The following DYNC1I1 variants were observed in gnomAD, a reference collection of about 807,000 sequenced individuals.
The protein encoded by DYNC1I1 is dynein cytoplasmic 1 intermediate chain 1.
A neutral mutation model predicts 86.6 loss-of-function variants in DYNC1I1; 43 were observed. The ratio of observed to expected loss-of-function variants is 0.50; its 90% confidence interval spans 0.39 to 0.64. The LOEUF (loss-of-function observed/expected upper bound fraction) is 0.64. DYNC1I1 is among the 30% of genes least tolerant of loss of function. The pLI, the probability that DYNC1I1 is intolerant of heterozygous loss-of-function variation, is 0.00. For synonymous variants in DYNC1I1, 262 were observed against 283.7 expected (o/e 0.92, Z 0.77); for missense variants, 604 against 788.8 (o/e 0.77, Z 2.81).
At chr7:96,002,277 A>G (rs1033916174) in intron 10 of DYNC1I1, among the ~76,000 whole-genome samples, 3 of 152,192 alleles carry the variant, frequency 2.0e-5, no homozygotes, top group Admixed American at 2.0e-4. Context: ...TGTTCTTTAT[A>G]TTAAAATGCC....
intron 16 of DYNC1I1, 124 bp downstream of exon 16, chr7:96,080,612 A>G: frequency 6.6e-7 from 1 of 1,512,382 alleles, no homozygotes; most frequent in South Asian, 1.2e-5. Flanking sequence ...GTAAATTTCC[A>G]TTGACTTCAA....
At chr7:96,095,131 T>A (rs1219104673) in intron 16 of DYNC1I1, among the ~76,000 whole-genome samples, 1 of 152,212 alleles carries the variant, frequency 6.6e-6, no homozygotes, top group Non-Finnish European at 1.5e-5. Context: ...GCTTATGTTT[T>A]GTGTGTTTAA....
chr7:96,006,831 A>G (rs1036274771), intron 10 of DYNC1I1, among the ~76,000 whole-genome samples: 8 of 152,212 alleles, frequency 5.3e-5, no homozygotes, highest in Non-Finnish European at 1.2e-4. Flanking sequence ...CACCAATGCT[A>G]TGTTATAACT....
At chr7:95,933,075 G>T (rs113215413) in intron 6 of DYNC1I1, among the ~76,000 whole-genome samples, 7,815 of 151,862 alleles carry the variant, frequency 0.051, 293 homozygotes, top group Middle Eastern at 0.14. Flanking sequence ...AGAGATGGGG[G>T]TCTCACCATG....
intron 6 of DYNC1I1, among the ~76,000 whole-genome samples, chr7:95,946,483 T>A (rs1792405045): frequency 6.6e-6 from 1 of 152,122 alleles, no homozygotes; most frequent in South Asian, 2.1e-4. Flanking sequence ...TGCCACCTCC[T>A]CCACAAAAAT....
intron 16 of DYNC1I1, among the ~76,000 whole-genome samples, chr7:96,082,812 T>C (rs143182762): frequency 3.9e-5 from 6 of 152,342 alleles, no homozygotes; most frequent in African/African-American, 1.4e-4. Context: ...GGCTGATATG[T>C]GGCTGCTAAA....
intron 6 of DYNC1I1, among the ~76,000 whole-genome samples, chr7:95,890,065 A>G (rs1404818662): frequency 6.6e-6 from 1 of 152,190 alleles, no homozygotes; most frequent in East Asian, 1.9e-4. Flanking sequence ...AAACAGAACT[A>G]CCATTCAATC....
chr7:96,040,625 A>G (rs1205584768), intron 14 of DYNC1I1, among the ~76,000 whole-genome samples: 2 of 152,146 alleles, frequency 1.3e-5, no homozygotes, highest in Non-Finnish European at 2.9e-5. Flanking sequence ...CAAGATCTCC[A>G]TTAAGCAGTT....
intron 6 of DYNC1I1, among the ~76,000 whole-genome samples, chr7:95,872,086 C>T (rs935607850): frequency 1.3e-5 from 2 of 152,230 alleles, no homozygotes; most frequent in African/African-American, 2.4e-5. Flanking sequence ...GGTGCTGGTG[C>T]TCACTTTCAC....
At chr7:95,951,634 T>G (rs1792557122) in intron 6 of DYNC1I1, among the ~76,000 whole-genome samples, 1 of 152,238 alleles carries the variant, frequency 6.6e-6, no homozygotes, top group Non-Finnish European at 1.5e-5. Context: ...CTTTAGCTGC[T>G]TTTCAAATGC....
At chr7:95,914,551 G>T (rs1434862933) in intron 6 of DYNC1I1, among the ~76,000 whole-genome samples, 1 of 152,220 alleles carries the variant, frequency 6.6e-6, no homozygotes, top group East Asian at 1.9e-4. Flanking sequence ...TAAATGTGAT[G>T]ATCATCCTGC....
chr7:96,016,552 T>C (rs1794406883), intron 10 of DYNC1I1, among the ~76,000 whole-genome samples: 1 of 152,152 alleles, frequency 6.6e-6, no homozygotes, highest in African/African-American at 2.4e-5. Context: ...TATCATGCAA[T>C]TGTTTTTAGA....
chr7:95,800,165 A>G (rs1415855099), intron 1 of DYNC1I1, among the ~76,000 whole-genome samples: 1 of 151,386 alleles, frequency 6.6e-6, no homozygotes, highest in African/African-American at 2.4e-5. Flanking sequence ...TAAGCAGAGG[A>G]TAAAGGGTAA....
intron 10 of DYNC1I1, among the ~76,000 whole-genome samples, chr7:96,001,861 G>A (rs1211030933): frequency 6.6e-6 from 1 of 151,984 alleles, no homozygotes; most frequent in African/African-American, 2.4e-5. Context: ...GTCGTGGTGG[G>A]GGAAGTACAA....
intron 6 of DYNC1I1, among the ~76,000 whole-genome samples, chr7:95,911,382 C>A (rs1046738462): frequency 6.6e-6 from 1 of 152,080 alleles, no homozygotes; most frequent in Non-Finnish European, 1.5e-5. Context: ...GGTGGAGAGA[C>A]CCCACAGAGG....
At chr7:95,977,279 C>T (rs1793330110) in intron 6 of DYNC1I1, among the ~76,000 whole-genome samples, 1 of 152,118 alleles carries the variant, frequency 6.6e-6, no homozygotes, top group Non-Finnish European at 1.5e-5. Context: ...TACAGGTGCC[C>T]ATTCAGTATG....
At chr7:95,785,755 GTATATATA>G (rs1157516276) in intron 1 of DYNC1I1, among the ~76,000 whole-genome samples, 1 of 117,124 alleles carries the variant, frequency 8.5e-6, no homozygotes, top group African/African-American at 2.9e-5. Context: ...ATGTGTGTAT[GTATATATA>G]TGTGTGTATG....
chr7:95,793,299 A>G (rs924287526), intron 1 of DYNC1I1, among the ~76,000 whole-genome samples: 1 of 152,030 alleles, frequency 6.6e-6, no homozygotes, highest in African/African-American at 2.4e-5. Flanking sequence ...GAGTTCGAGG[A>G]TTTGGGGCTG....
intron 10 of DYNC1I1, among the ~76,000 whole-genome samples, chr7:96,012,519 A>G (rs1476382623): frequency 1.3e-5 from 2 of 152,182 alleles, no homozygotes; most frequent in Non-Finnish European, 2.9e-5. Flanking sequence ...CTCACAACAG[A>G]TTATATTCTA....
Sources: allele counts gnomAD v4.1 joint callset (sites outside exome capture counted in the v4.1 genomes callset), GRCh38; gene constraint gnomAD v4.1.1; transcripts MANE v1.5; gene names NCBI Gene and HGNC (gene_info 2026-07-23, HGNC 2026-07-21).